Variants in NETO1 observed in about 807,000 individuals in gnomAD.
The protein encoded by NETO1 is neuropilin and tolloid like 1.
A neutral mutation model predicts 61.3 loss-of-function variants in NETO1; 26 were observed. The ratio of observed to expected loss-of-function variants is 0.42; its 90% CI spans 0.31 to 0.59. The LOEUF (loss-of-function observed/expected upper bound fraction) is 0.59, where lower values mean the gene tolerates loss of function less well. Among genes scored for constraint, NETO1 ranks in the 20% least tolerant of loss-of-function variants. The pLI, the probability that NETO1 is intolerant of heterozygous loss-of-function variation, is 0.12. For synonymous variants in NETO1, 225 were observed against 225.8 expected (o/e 1.00, Z 0.03); for missense variants, 531 against 662.8 (o/e 0.80, Z 2.18).
At chr18:72,836,177 A>G (rs997177123) in intron 4 of NETO1, among the ~76,000 whole-genome samples, 5 of 152,060 alleles carry the variant, frequency 3.3e-5, no homozygotes, top group African/African-American at 1.2e-4. Context: ...GCTGCTTCTC[A>G]CCTCTGAGCA....
chr18:72,845,041 T>C (rs2074043967), intron 4 of NETO1, among the ~76,000 whole-genome samples: 1 of 152,232 alleles, frequency 6.6e-6, no homozygotes, highest in Admixed American at 6.5e-5. Context: ...AAACACACTG[T>C]AAGCTCAAGA....
intron 4 of NETO1, among the ~76,000 whole-genome samples, chr18:72,813,185 C>T (rs570147910): frequency 6.6e-6 from 1 of 152,154 alleles, no homozygotes; most frequent in Admixed American, 6.5e-5. Context: ...TGACAATGTG[C>T]GAGAGAATTT....
intron 3 of NETO1, among the ~76,000 whole-genome samples, chr18:72,863,989 G>A (rs1392062632): frequency 2.6e-5 from 4 of 152,182 alleles, no homozygotes; most frequent in African/African-American, 9.7e-5. Flanking sequence ...GGAGGCCAAA[G>A]TCGGTGGATC....
chr18:72,796,909 T>C (rs1182788190), intron 4 of NETO1, among the ~76,000 whole-genome samples: 2 of 152,230 alleles, frequency 1.3e-5, no homozygotes, highest in Non-Finnish European at 2.9e-5. Flanking sequence ...TCAATAGATA[T>C]ATAGTTATTA....
chr18:72,790,016 CTATT>C (rs563110784), intron 6 of NETO1, among the ~76,000 whole-genome samples: 6 of 152,128 alleles, frequency 3.9e-5, no homozygotes, highest in Non-Finnish European at 8.8e-5. Context: ...CTGTAAGAGA[CTATT>C]TGTCAAGTGT....
intron 4 of NETO1, among the ~76,000 whole-genome samples, chr18:72,812,788 C>A (rs531670581): frequency 6.6e-6 from 1 of 152,238 alleles, no homozygotes; most frequent in East Asian, 1.9e-4. Context: ...GTTCTAGATA[C>A]ATTTCCTAAC....
intron 7 of NETO1, among the ~76,000 whole-genome samples, chr18:72,771,614 A>C (rs1301065657): frequency 6.6e-6 from 1 of 152,186 alleles, no homozygotes; most frequent in East Asian, 1.9e-4. Context: ...AGGCTAGTGG[A>C]ATCTCAACTT....
At chr18:72,824,719 A>AT (rs1188953614) in intron 4 of NETO1, among the ~76,000 whole-genome samples, 1 of 150,152 alleles carries the variant, frequency 6.7e-6, no homozygotes, top group Non-Finnish European at 1.5e-5. Flanking sequence ...ACAAAAAAAA[A>AT]ACAAACAAAA....
At chr18:72,841,736 C>CAAAAAAA (rs10690867) in intron 4 of NETO1, among the ~76,000 whole-genome samples, 3 of 115,408 alleles carry the variant, frequency 2.6e-5, no homozygotes, top group Non-Finnish European at 3.3e-5. Context: ...TCTACCTCAA[C>CAAAAAAA]AAAAAAAAAA....
At chr18:72,832,563 G>A (rs1479987158) in intron 4 of NETO1, among the ~76,000 whole-genome samples, 1 of 152,080 alleles carries the variant, frequency 6.6e-6, no homozygotes, top group Non-Finnish European at 1.5e-5. Flanking sequence ...CAGATCTTAC[G>A]ACTCTGTCTC....
chr18:72,783,029 A>G (rs1237597421), intron 7 of NETO1, among the ~76,000 whole-genome samples: 1 of 152,148 alleles, frequency 6.6e-6, no homozygotes, highest in African/African-American at 2.4e-5. Context: ...CACTTGCATA[A>G]ATTTGTAACA....
At chr18:72,825,439 T>C (rs1348130516) in intron 4 of NETO1, among the ~76,000 whole-genome samples, 9 of 152,150 alleles carry the variant, frequency 5.9e-5, no homozygotes, top group African/African-American at 1.9e-4. Flanking sequence ...ATATTATTTA[T>C]TTTTACCTTT....
intron 6 of NETO1, among the ~76,000 whole-genome samples, 179 bp downstream of exon 6, chr18:72,793,938 C>T (rs2072224736): frequency 6.6e-6 from 1 of 152,154 alleles, no homozygotes; most frequent in Admixed American, 6.5e-5. Flanking sequence ...CTATTTACGA[C>T]ATCAAATTTA....
intron 4 of NETO1, among the ~76,000 whole-genome samples, chr18:72,825,088 T>C (rs1356299289): frequency 6.6e-6 from 1 of 151,998 alleles, no homozygotes; most frequent in Non-Finnish European, 1.5e-5. Context: ...TAAAATAAAC[T>C]GTCACAATTT....
downstream of NETO1, chr18:72,742,471 A>G (rs2145049019): frequency 6.6e-6 from 1 of 152,350 alleles, no homozygotes; most frequent in East Asian, 1.9e-4. Flanking sequence ...AATGCATTAT[A>G]GGATATAAAA....
At chr18:72,866,228 C>T (rs80303959) in intron 1 of NETO1, among the ~76,000 whole-genome samples, 3,658 of 152,162 alleles carry the variant, frequency 0.024, 127 homozygotes, top group East Asian at 0.12. Flanking sequence ...GGGGAGAGAA[C>T]AATTCACAAA....
At chr18:72,776,357 C>G (rs1364536600) in intron 7 of NETO1, among the ~76,000 whole-genome samples, 1 of 152,176 alleles carries the variant, frequency 6.6e-6, no homozygotes, top group East Asian at 1.9e-4. Flanking sequence ...TAAATACATC[C>G]CACAAGGTTA....
chr18:72,828,480 A>G (rs978616523), intron 4 of NETO1, among the ~76,000 whole-genome samples: 6 of 152,246 alleles, frequency 3.9e-5, no homozygotes, highest in Non-Finnish European at 8.8e-5. Context: ...GCAAAAATGT[A>G]ACACAGTAAG....
rs1296375847 is a variant in NETO1, at chr18:72,783,579, G to A, written c.868+99C>T. On this transcript the variant is annotated intron_variant, in intron 7 of 10. Transcript: ENST00000327305. ...TAAACAACATATTAGAGAATAGCCT[G>A]CTGTGCTCACTGTGTGAAGAAAACA... The A allele has an allele frequency of 6.7e-5, 63 of 945,878 alleles. 1 individual carries two copies. The highest frequency in any genetic ancestry group is 6.1e-4 in the South Asian group (42 of 69,090). The allele number at this position is 945,878 out of a possible 1,614,324, so 58.6% of individuals were successfully genotyped here. A position where few individuals can be genotyped will look rare whatever the true frequency, so the allele number is the denominator to read the frequency against.
Sources: gnomAD v4.1 joint callset for allele counts (sites outside exome capture counted in the v4.1 genomes callset) on GRCh38, gnomAD v4.1.1 for gene constraint, MANE v1.5 for transcripts, NCBI Gene and HGNC (gene_info 2026-07-23, HGNC 2026-07-21) for gene names.